Variants in AURKC observed in about 807,000 individuals in gnomAD.
AURKC encodes ARK-3.
Under a neutral mutation model 29.2 loss-of-function variants are expected in AURKC, and 15 were observed. The ratio of observed to expected loss-of-function variants is 0.51; its 90% CI spans 0.34 to 0.79. The LOEUF (loss-of-function observed/expected upper bound fraction) is 0.79, where lower values mean the gene tolerates loss of function less well. Ranked by LOEUF, AURKC falls within the 30% of genes least tolerant of loss-of-function variation. AURKC has a pLI of 0.01. For missense variants in AURKC, 332 were observed against 383.2 expected (o/e 0.87, Z 1.12); for synonymous variants, 150 against 149.9 (o/e 1.00, Z -0.01).
chr19:57,234,845 C>T (rs778849425), intron 5 of AURKC, 39 bp from the exon 6 acceptor site: 1 of 1,612,924 alleles, frequency 6.2e-7, no homozygotes, highest in Non-Finnish European at 8.5e-7. Flanking sequence ...CATCCTGGGC[C>T]TCTGCTTAGT....
At chr19:57,235,172 A>T in intron 6 of AURKC, 75 bp from the exon 7 acceptor site, 1 of 1,611,362 alleles carries the variant, frequency 6.2e-7, no homozygotes, top group Non-Finnish European at 8.5e-7. Flanking sequence ...CGCCTTAACA[A>T]GGCTCAAAGA....
rs760756565 is a variant in AURKC, at chr19:57,231,806, G to A, written c.104+19G>A. On this transcript the variant is annotated intron_variant, in intron 2 of 6. Coordinates refer to ENST00000302804, the MANE Select transcript of AURKC (RefSeq NM_001015878.2). Reference sequence around the variant, plus strand: ...CAGCCATGTGAGTCCCTTGGGATTGGTATCTGGAAAAGGAAGGAAGGTGGG... The same window carrying A: ...CAGCCATGTGAGTCCCTTGGGATTGATATCTGGAAAAGGAAGGAAGGTGGG... 7 of 1,614,062 alleles carry A rather than the reference G, an allele frequency of 4.3e-6. No individual in the cohort carries two copies. In the South Asian group the frequency reaches 7.7e-5, roughly 18 times the overall value.
At chr19:57,231,466 C>A in intron 1 of AURKC, 160 bp downstream of exon 1, 1 of 882,314 alleles carries the variant, frequency 1.1e-6, no homozygotes, top group Non-Finnish European at 1.8e-6. Context: ...TTCTTTCTTT[C>A]ACCTCTCCCT....
chr19:57,231,513 C>T (rs1045473836), intron 1 of AURKC: 6 of 746,290 alleles, frequency 8.0e-6, no homozygotes, highest in Admixed American at 2.1e-5. Flanking sequence ...CTCTCTGCCT[C>T]TTCTTCACCT....
chr19:57,231,517 T>G, intron 1 of AURKC: 1 of 737,652 alleles, frequency 1.4e-6, no homozygotes, highest in East Asian at 2.7e-5. Flanking sequence ...CTGCCTCTTC[T>G]TCACCTCCTC....
In AURKC at chr19:57,232,072, C is replaced by T; in HGVS notation, c.144C>T (p.Pro48=). Residue 48 remains proline, a synonymous_variant, in exon 3 of 7, where the codon CCC becomes CCT. Transcript: ENST00000302804. The surrounding 1 kb of genome is among the most constrained non-coding windows in gnomAD (Gnocchi z 4.5). ...LTVDDFEIGR[P]LGKGKFGNVY... The stretch of plus-strand genomic sequence containing the variant: ...TCGATGACTTTGAAATCGGGCGTCC[C>T]CTGGGCAAGGGGAAATTTGGGAATG... 1 of 1,614,098 alleles carries T rather than the reference C, an allele frequency of 6.2e-7. No homozygotes were observed. The highest frequency in any genetic ancestry group is 8.5e-7 in the Non-Finnish European group (1 of 1,180,020).
Position 57,233,563 on chromosome 19 carries a change from TG to T in AURKC, c.540del (p.Lys181ArgfsTer14). 6.2e-7 allele frequency: 1 copy of T among 1,613,994 alleles called. No homozygotes were observed. The highest frequency in any genetic ancestry group is 8.5e-7 in the Non-Finnish European group (1 of 1,180,024). ...CTGCTGCTGGGGTTCAGGGGTGAGG[TG>T]AAGATTGCAGATTTTGGCTGGTCTG... ...ENLLLGFRGE[V>X]KIADFGWSVH... On this transcript the variant is annotated frameshift_variant, in exon 5 of 7. Coordinates refer to ENST00000302804, the MANE Select transcript of AURKC (RefSeq NM_001015878.2). LOFTEE classifies it high-confidence loss of function.
At position 57,231,397 on chromosome 19, in the gene AURKC, C is replaced by T. The variant is rs749773835; in HGVS notation, c.58+91C>T. On this transcript the variant is annotated intron_variant, in intron 1 of 6. Transcript: ENST00000302804. ...AGAAGACACATGTGTTGACATCTCC[C>T]CTCCCTCTCCTCCTCCCCAACGCTC... is the stretch of plus-strand genomic sequence containing the variant. 34 of 1,336,536 alleles carry T rather than the reference C, an allele frequency of 2.5e-5. No individual in the cohort carries two copies. The South Asian group carries it at 3.0e-4, about 12-fold the overall frequency. The allele number at this position is 1,336,536 out of a possible 1,614,324, so 82.8% of individuals were successfully genotyped here. A position where few individuals can be genotyped will look rare whatever the true frequency, so the allele number is the denominator to read the frequency against.
chr19:57,231,373 G>T lies in AURKC; in HGVS notation c.58+67G>T, dbSNP rs376021169. ...GACTGGGCCAGGGGTCGGGTGCACA[G>T]AAGACACATGTGTTGACATCTCCCC... On this transcript the variant is annotated intron_variant, in intron 1 of 6. Transcript: ENST00000302804. 9.9e-4 allele frequency: 1,500 copies of T among 1,521,300 alleles called. 3 individuals carry two copies. Among genetic ancestry groups the T allele is most frequent in the Admixed American group, 2.0e-3 (104 of 50,952 alleles). 94.2% of individuals were successfully genotyped at this position (1,521,300 alleles called of 1,614,324 possible). A position where few individuals can be genotyped will look rare whatever the true frequency, so the allele number is the denominator to read the frequency against.
At chr19:57,231,660 C>T (rs2087491767) in intron 1 of AURKC, 82 bp from the exon 2 acceptor site, 2 of 1,513,034 alleles carry the variant, frequency 1.3e-6, no homozygotes, top group African/African-American at 2.8e-5. Flanking sequence ...CCCTTCTCTA[C>T]TGTTCTCCTC....
chr19:57,233,751 T>C (rs1480708766), intron 5 of AURKC, 143 bp downstream of exon 5: 12 of 1,210,292 alleles, frequency 9.9e-6, no homozygotes, highest in African/African-American at 1.5e-5. Flanking sequence ...TTTCTTTTCT[T>C]TTCTTTTTTT....
chr19:57,231,354 G>A (rs1235861451), intron 1 of AURKC, 48 bp downstream of exon 1: 2 of 1,547,286 alleles, frequency 1.3e-6, no homozygotes, highest in South Asian at 1.2e-5. Flanking sequence ...TGGGGACTGG[G>A]CCAGGGGTCG....
In AURKC at chr19:57,232,505, A is replaced by T. The variant is rs2087503303; in HGVS notation, c.297-37A>T. On this transcript the variant is annotated intron_variant, in intron 3 of 6. Coordinates refer to ENST00000302804, the MANE Select transcript of AURKC (RefSeq NM_001015878.2). The surrounding 1 kb of genome is among the most constrained non-coding windows in gnomAD (Gnocchi z 4.5). ...ACGGTGGCATCATATGATAGGCCTC[A>T]GGGAGAAATCTGACTCTTCCAACAT... 1 of 1,613,876 alleles carries T rather than the reference A, an allele frequency of 6.2e-7. No individual in the cohort carries two copies. Among genetic ancestry groups the T allele is most frequent in the Non-Finnish European group, 8.5e-7 (1 of 1,180,024 alleles).
chr19:57,234,945 T>G lies in AURKC; in HGVS notation c.646T>G (p.Tyr216Asp). The G allele has an allele frequency of 8.7e-6, 14 of 1,614,134 alleles. No individual in the cohort carries two copies. The highest frequency in any genetic ancestry group is 1.2e-5 in the Non-Finnish European group (14 of 1,180,040). Residue 216 changes from tyrosine (Y) to aspartate (D), a missense_variant, in exon 6 of 7, where the codon TAT (tyrosine) becomes GAT (aspartate). Transcript: ENST00000302804. ...GCCAGAAATGATTGAGGGGAGAACA[T>G]ATGATGAAAAGGTGGATTTGTGGTG... ...LPPEMIEGRT[Y>D]DEKVDLWCIG...
chr19:57,233,722 T>C (rs1466990872), intron 5 of AURKC, 114 bp downstream of exon 5: 5 of 1,396,738 alleles, frequency 3.6e-6, no homozygotes, highest in Non-Finnish European at 5.1e-6. Flanking sequence ...GGGTTTCTAT[T>C]GGAATACTGC....
chr19:57,231,056 G>GC lies in AURKC; in HGVS notation c.-192dup, dbSNP rs2122798442. ...GGTGCCGGGTATAAAAGAAGGCCGC[G>GC]CAGCCACGGCTGCTCACGACGCCGC... On this transcript the variant is annotated 5_prime_UTR_variant, in exon 1 of 7. Transcript: ENST00000302804. 7.4e-7 allele frequency: 1 copy of GC among 1,354,142 alleles called. No homozygotes were observed. Among genetic ancestry groups the GC allele is most frequent in the Non-Finnish European group, 1.0e-6 (1 of 965,630 alleles). 83.9% of individuals were successfully genotyped at this position (1,354,142 alleles called of 1,614,324 possible).
Position 57,231,751 on chromosome 19 carries a change from C to T in AURKC, c.68C>T (p.Ala23Val). The T allele has an allele frequency of 6.2e-7, 1 of 1,613,906 alleles. No homozygotes were observed. The highest frequency in any genetic ancestry group is 8.5e-7 in the Non-Finnish European group (1 of 1,179,994). The change falls in exon 2 of 7, where the codon GCA becomes GTA. Residue 23 changes from alanine to valine, a missense_variant. By Grantham distance (64) the Ala-to-Val change is moderately conservative. Coordinates refer to ENST00000302804, the MANE Select transcript of AURKC (RefSeq NM_001015878.2). ...TCCTCCTCTCTTTCAGTGGCTACAG[C>T]AAACCAAACAGCCCAGCAGCCCAGC... The part of the protein sequence containing the change: ...AQPAGEELAT[A>V]NQTAQQPSSP...
intron 1 of AURKC, 75 bp from the exon 2 acceptor site, chr19:57,231,667 C>T (rs1336161665): frequency 5.2e-6 from 8 of 1,545,194 alleles, no homozygotes; most frequent in East Asian, 2.3e-5. Flanking sequence ...CTACTGTTCT[C>T]CTCTCCTCTC....
intron 1 of AURKC, 193 bp downstream of exon 1, chr19:57,231,499 C>T (rs2087489221): frequency 6.5e-6 from 5 of 763,732 alleles, no homozygotes; most frequent in Non-Finnish European, 8.7e-6. Flanking sequence ...CCTCCCCTTC[C>T]TTTCTCTCTG....
Sources: allele counts gnomAD v4.1 joint callset, GRCh38; gene constraint gnomAD v4.1.1; non-coding constraint Gnocchi (gnomAD v3.1); transcripts MANE v1.5; gene names NCBI Gene and HGNC (gene_info 2026-07-23, HGNC 2026-07-21).